The following JMJD1C variants were observed in gnomAD, a reference collection of about 807,000 sequenced individuals.
The protein encoded by JMJD1C is jumonji domain containing 1C, also known as jumonji domain-containing protein 1C.
JMJD1C carries 31 observed loss-of-function variants against 245.3 expected under a neutral mutation model. The observed-to-expected ratio is 0.13, with a 90% CI of 0.09 to 0.17. The LOEUF (loss-of-function observed/expected upper bound fraction) is 0.17. JMJD1C is among the 10% of genes least tolerant of loss of function. JMJD1C has a pLI of 1.00. For missense variants in JMJD1C, 2,691 were observed against 3,000.2 expected, an observed-to-expected ratio of 0.90 and a Z score of 2.41; for synonymous variants, 1,057 against 1,017.4, an observed-to-expected ratio of 1.04 and a Z score of -0.74.
At chr10:63,484,224 GGATGGATGGATGGATAGATAGATAGATA>G (rs71025181) in intron 1 of JMJD1C, among the ~76,000 whole-genome samples, 28,327 of 104,060 alleles carry the variant, frequency 0.27, 3,547 homozygotes, top group Non-Finnish European at 0.37. Flanking sequence ...ATGGATGGAT[GGATGGATGGATGGATAGATAGATAGATA>G]GATAGATAGA....
At chr10:63,428,955 G>A (rs371879878) in intron 1 of JMJD1C, among the ~76,000 whole-genome samples, 81 of 152,220 alleles carry the variant, frequency 5.3e-4, no homozygotes, top group African/African-American at 1.9e-3. Context: ...TCTTCAGGCT[G>A]TCCATTCCTT....
chr10:63,170,404 G>A (rs1196545931), intron 24 of JMJD1C, among the ~76,000 whole-genome samples: 1 of 152,134 alleles, frequency 6.6e-6, no homozygotes, highest in African/African-American at 2.4e-5. Flanking sequence ...GTTTGCTGTT[G>A]TTGATTCCTG....
In JMJD1C at chr10:63,186,200, TA is replaced by T. The variant is rs2132922367; in HGVS notation, c.6739+14del. On this transcript the variant is annotated intron_variant, in intron 19 of 25. Coordinates refer to ENST00000399262, the MANE Select transcript of JMJD1C (RefSeq NM_032776.3). ...GAGTATGATGGAGAAAATAGTAAAATAAAAACCAACATACTTGAAACTTCTT... is the reference window on the plus strand; with the variant it reads ...GAGTATGATGGAGAAAATAGTAAAATAAAACCAACATACTTGAAACTTCTT... 1.3e-6 allele frequency: 2 copies of T among 1,589,142 alleles called. No individual in the cohort carries two copies. Among genetic ancestry groups the T allele is most frequent in the Non-Finnish European group, 1.7e-6 (2 of 1,166,386 alleles).
chr10:63,320,967 T>A (rs10822156), intron 2 of JMJD1C, among the ~76,000 whole-genome samples: 2 of 151,932 alleles, frequency 1.3e-5, no homozygotes, highest in Admixed American at 1.3e-4. Context: ...AGGGGCTGAA[T>A]TGAGTTGATC....
At chr10:63,441,710 A>G (rs1230057980) in intron 1 of JMJD1C, among the ~76,000 whole-genome samples, 1 of 152,164 alleles carries the variant, frequency 6.6e-6, no homozygotes, top group Non-Finnish European at 1.5e-5. Context: ...GTTAACTCCA[A>G]CATATGGTGG....
At chr10:63,184,328 C>A (rs1297273122) in intron 21 of JMJD1C, among the ~76,000 whole-genome samples, 1 of 150,576 alleles carries the variant, frequency 6.6e-6, no homozygotes. Context: ...GCAACCTCCA[C>A]GCCTCCTGGG....
chr10:63,510,349 A>G (rs1954839499), intron 1 of JMJD1C, among the ~76,000 whole-genome samples: 1 of 152,132 alleles, frequency 6.6e-6, no homozygotes, highest in South Asian at 2.1e-4. Context: ...CAATCCAATA[A>G]ATTCCCCTCT....
rs575706783 is a variant in JMJD1C, at chr10:63,207,695, G to A, written c.3974C>T (p.Ser1325Phe). ...TDSMPAMQLA[S>F]KDRVSERSSA... ...AGATCTTTCACTAACACGATCTTTA[G>A]AAGCTAACTGCATTGCTGGCATACT... is the stretch of plus-strand genomic sequence containing the variant. Residue 1325 changes from serine (S) to phenylalanine (F), a missense_variant, in exon 10 of 26, where the codon TCT becomes TTT. Coordinates refer to ENST00000399262, the MANE Select transcript of JMJD1C (RefSeq NM_032776.3). The A allele has an allele frequency of 3.7e-6, 6 of 1,614,126 alleles. No homozygotes were observed. The highest frequency in any genetic ancestry group is 1.7e-5 in the Admixed American group (1 of 60,024).
chr10:63,505,416 A>C (rs1341500403), intron 1 of JMJD1C, among the ~76,000 whole-genome samples: 5 of 152,038 alleles, frequency 3.3e-5, no homozygotes, highest in Admixed American at 2.6e-4. Context: ...GCTAAGTAAC[A>C]CAAAGGAATT....
rs147665745 is a variant in JMJD1C, at chr10:63,415,089, C to A, written c.169-34607G>T. Among the ~76,000 whole-genome samples the A allele has an allele frequency of 2.6e-5, 4 of 152,244 alleles. No homozygotes were observed. The East Asian group carries it at 7.7e-4, about 29-fold the overall frequency. The stretch of plus-strand genomic sequence containing the variant: ...CCTCTTCAGGATACAACTCCACTGA[C>A]TCTGGAAGTGACTAAATGTTAACAG... On this transcript the variant is annotated intron_variant, in intron 1 of 25. Coordinates refer to ENST00000399262, the MANE Select transcript of JMJD1C (RefSeq NM_032776.3).
At chr10:63,311,143 GGCAGATC>G (rs1369093726) in intron 2 of JMJD1C, among the ~76,000 whole-genome samples, 1 of 151,632 alleles carries the variant, frequency 6.6e-6, no homozygotes, top group African/African-American at 2.4e-5. Context: ...GGCCGAGGCA[GGCAGATC>G]ACCTGAGGTC....
intron 2 of JMJD1C, among the ~76,000 whole-genome samples, chr10:63,309,842 G>A (rs1049639403): frequency 1.4e-4 from 21 of 152,094 alleles, no homozygotes; most frequent in African/African-American, 2.7e-4. Context: ...ACTTGAACCC[G>A]AGAGGTGGAG....
At chr10:63,335,215 G>T (rs1463109893) in intron 2 of JMJD1C, among the ~76,000 whole-genome samples, 2 of 151,970 alleles carry the variant, frequency 1.3e-5, no homozygotes, top group East Asian at 3.9e-4. Flanking sequence ...GTCTGTCAAA[G>T]TGCCTCTGAA....
chr10:63,317,370 T>G (rs2134086113), intron 2 of JMJD1C, among the ~76,000 whole-genome samples: 1 of 152,176 alleles, frequency 6.6e-6, no homozygotes, highest in African/African-American at 2.4e-5. Context: ...CTTGGCACAG[T>G]GGCGTGTGCC....
chr10:63,265,992 C>T (rs1199353786), intron 2 of JMJD1C, among the ~76,000 whole-genome samples: 1 of 151,908 alleles, frequency 6.6e-6, no homozygotes, highest in African/African-American at 2.4e-5. Context: ...GAGTTAATTT[C>T]TATATTTAAG....
At chr10:63,210,183 C>A (rs1847155314) in intron 8 of JMJD1C, among the ~76,000 whole-genome samples, 1 of 151,926 alleles carries the variant, frequency 6.6e-6, no homozygotes, top group African/African-American at 2.4e-5. Context: ...TCTCAAACGG[C>A]CTCAGTTCTA....
At chr10:63,351,041 GTTC>G (rs946094101) in intron 2 of JMJD1C, among the ~76,000 whole-genome samples, 7 of 149,082 alleles carry the variant, frequency 4.7e-5, no homozygotes, top group African/African-American at 1.5e-4. Context: ...TATAGATTCT[GTTC>G]TTCTCTGAAC....
Position 63,264,690 on chromosome 10 carries a change from C to A in JMJD1C, c.408G>T (p.Leu136=). 2 of 1,586,904 alleles carry A rather than the reference C, an allele frequency of 1.3e-6. No individual in the cohort carries two copies. Among genetic ancestry groups the A allele is most frequent in the Non-Finnish European group, 8.6e-7 (1 of 1,164,414 alleles). Residue 136 remains leucine, a synonymous_variant, in exon 3 of 26, where the codon CTG becomes CTT. Coordinates refer to ENST00000399262, the MANE Select transcript of JMJD1C (RefSeq NM_032776.3). Reference sequence around the variant, plus strand: ...AGGCACTATCTTCAGTTAAAAAATCCAGTTGCTTATCTACAAGGAATTCTA... The same window carrying A: ...AGGCACTATCTTCAGTTAAAAAATCAAGTTGCTTATCTACAAGGAATTCTA... ...TAVEFLVDKQ[L]DFLTEDSAFQ...
chr10:63,340,925 A>G (rs1943317070), intron 2 of JMJD1C, among the ~76,000 whole-genome samples: 1 of 152,194 alleles, frequency 6.6e-6, no homozygotes, highest in Non-Finnish European at 1.5e-5. Context: ...AGCCTGGGCG[A>G]AAAGAGCAAG....
Sources: gnomAD v4.1 joint callset for allele counts (sites outside exome capture counted in the v4.1 genomes callset) on GRCh38, gnomAD v4.1.1 for gene constraint, MANE v1.5 for transcripts, NCBI Gene and HGNC (gene_info 2026-07-23, HGNC 2026-07-21) for gene names.